Variants in CWF19L1 observed in about 807,000 individuals in gnomAD.
The protein encoded by CWF19L1 is CWF19 like cell cycle control factor 1, also known as CWF19-like protein 1.
CWF19L1 carries 60 observed loss-of-function variants against 69.7 expected under a neutral mutation model. That is an observed-to-expected ratio of 0.86 (90% CI 0.70 to 1.07). The LOEUF is 1.07. Ranked by LOEUF, CWF19L1 falls within the 50% of genes least tolerant of loss-of-function variation. The pLI is 0.00. For missense variants in CWF19L1, 591 were observed against 638.9 expected, an observed-to-expected ratio of 0.92 and a Z score of 0.81; for synonymous variants, 209 against 222.2, an observed-to-expected ratio of 0.94 and a Z score of 0.53.
chr10:100,256,018 T>TA (rs1043395366), intron 5 of CWF19L1, among the ~76,000 whole-genome samples: 1 of 151,910 alleles, frequency 6.6e-6, no homozygotes, highest in Non-Finnish European at 1.5e-5. Flanking sequence ...GCAGAGAATA[T>TA]AAAAAACCAT....
chr10:100,237,018 G>A, intron 11 of CWF19L1, 49 bp from the exon 12 acceptor site: 2 of 1,541,356 alleles, frequency 1.3e-6, no homozygotes, highest in South Asian at 1.3e-5. Flanking sequence ...TCCCAGAGAA[G>A]TTGTGCCTGC....
At chr10:100,261,494 GTC>G (rs1371030549) in intron 2 of CWF19L1, among the ~76,000 whole-genome samples, 2 of 152,204 alleles carry the variant, frequency 1.3e-5, no homozygotes, top group African/African-American at 4.8e-5. Context: ...CCTGCCTGTT[GTC>G]TTTACCCAAC....
At chr10:100,245,963 A>G (rs769663611) in intron 8 of CWF19L1, 50 bp from the exon 9 acceptor site, 48 of 1,343,460 alleles carry the variant, frequency 3.6e-5, no homozygotes, top group Non-Finnish European at 4.8e-5. Flanking sequence ...TAACCTTTAG[A>G]TAAGTAGCCG....
At chr10:100,233,736 T>G (rs1846347797) in intron 13 of CWF19L1, among the ~76,000 whole-genome samples, 1 of 152,228 alleles carries the variant, frequency 6.6e-6, no homozygotes, top group Non-Finnish European at 1.5e-5. Flanking sequence ...ATTTCATCTC[T>G]GAGTCTTGAT....
At chr10:100,267,365 C>T in intron 1 of CWF19L1, 1 of 951,686 alleles carries the variant, frequency 1.1e-6, no homozygotes. Flanking sequence ...CGAGCGTCGC[C>T]AAGAGAAACC....
rs1431707463 is a variant in CWF19L1, at chr10:100,253,431, GC to G, written c.612del (p.Arg204SerfsTer21). 1 of 1,591,662 alleles carries G rather than the reference GC, an allele frequency of 6.3e-7. No homozygotes were observed. Among genetic ancestry groups the G allele is most frequent in the Non-Finnish European group, 8.6e-7 (1 of 1,159,886 alleles). On this transcript the variant is annotated frameshift_variant, in exon 6 of 14. Transcript: ENST00000354105. LOFTEE classifies it high-confidence loss of function. ...TGAAATGCTACTCACCGATATGGAA[GC>G]CTCTCATAATAGGTCTTTTCCAAAG... ...FAALEKTYYE[R>X]LPYRNHIILQ... is the part of the protein sequence containing the mutation.
intron 7 of CWF19L1, chr10:100,248,606 G>A (rs759812039): frequency 3.0e-5 from 22 of 741,138 alleles, no homozygotes; most frequent in East Asian, 1.7e-4. Flanking sequence ...TATGATAAGC[G>A]TGTGCTGCTG....
chr10:100,261,916 A>C, intron 2 of CWF19L1, 63 bp downstream of exon 2: 2 of 1,448,546 alleles, frequency 1.4e-6, no homozygotes, highest in Non-Finnish European at 1.9e-6. Context: ...AAAGGAGTGC[A>C]AACTTTATTT....
intron 10 of CWF19L1, 55 bp from the exon 11 acceptor site, chr10:100,238,286 G>A (rs934222725): frequency 1.3e-6 from 2 of 1,543,930 alleles, no homozygotes; most frequent in Non-Finnish European, 1.8e-6. Context: ...GGATTCTCCA[G>A]GGAGAAAAAC....
chr10:100,261,466 G>T (rs1029163369), intron 2 of CWF19L1, among the ~76,000 whole-genome samples: 1 of 152,086 alleles, frequency 6.6e-6, no homozygotes, highest in African/African-American at 2.4e-5. Flanking sequence ...AGAAATACAA[G>T]GTATAAAAAA....
intron 1 of CWF19L1, among the ~76,000 whole-genome samples, chr10:100,266,660 C>T (rs1259775088): frequency 5.4e-5 from 8 of 148,028 alleles, no homozygotes; most frequent in African/African-American, 7.6e-5. Flanking sequence ...GGATTACAGG[C>T]ACGCGCCACC....
At chr10:100,258,709 T>G (rs1432452293) in intron 4 of CWF19L1, 1 of 152,078 alleles carries the variant, frequency 6.6e-6, no homozygotes, top group Non-Finnish European at 1.5e-5. Flanking sequence ...TTCCTTCAAT[T>G]TTTGCTTAAA....
Position 100,233,350 on chromosome 10 carries a change from G to A in CWF19L1, c.1494C>T (p.Ala498=). The A allele has an allele frequency of 6.2e-7, 1 of 1,613,340 alleles. No individual in the cohort carries two copies. The highest frequency in any genetic ancestry group is 8.5e-7 in the Non-Finnish European group (1 of 1,179,702). ...CAGACTTATCAGGAACATTAAGGAT[G>A]GCTTCACTGGCCAGGACCTCCCTGC... ...QFGREVLASE[A]ILNVPDKSDW... The change falls in exon 14 of 14, where the codon GCC becomes GCT. Residue 498 remains alanine, a synonymous_variant. Coordinates refer to ENST00000354105, the MANE Select transcript of CWF19L1 (RefSeq NM_018294.6).
intron 11 of CWF19L1, 39 bp from the exon 12 acceptor site, chr10:100,237,008 T>A (rs777053177): frequency 5.8e-6 from 9 of 1,543,360 alleles, no homozygotes; most frequent in South Asian, 1.3e-5. Context: ...CTTGTGCAGG[T>A]CCCAGAGAAG....
chr10:100,256,576 ATTT>A (rs888200129), intron 4 of CWF19L1, 100 bp from the exon 5 acceptor site: 1 of 883,608 alleles, frequency 1.1e-6, no homozygotes, highest in Non-Finnish European at 1.8e-6. Context: ...TGTCCCTGCC[ATTT>A]TACATGTCTG....
At chr10:100,251,757 T>C (rs534122897) in intron 6 of CWF19L1, among the ~76,000 whole-genome samples, 19 of 152,226 alleles carry the variant, frequency 1.2e-4, no homozygotes, top group African/African-American at 4.3e-4. Context: ...ATGATCTGCC[T>C]GCCTCGGCCT....
intron 10 of CWF19L1, among the ~76,000 whole-genome samples, chr10:100,240,124 C>CTCACCTTCTAA (rs1217740715): frequency 2.0e-5 from 3 of 152,180 alleles, no homozygotes; most frequent in African/African-American, 7.2e-5. Context: ...CTTTCAAACT[C>CTCACCTTCTAA]TCACCTTCTA....
rs199666617 is a variant in CWF19L1 at position 100,243,699 on chromosome 10, T to C, written c.1043A>G (p.His348Arg). The change falls in exon 10 of 14, where the codon CAT (histidine) becomes CGT (arginine). Residue 348 changes from histidine to arginine, a missense_variant and splice_region_variant. Coordinates refer to ENST00000354105, the MANE Select transcript of CWF19L1 (RefSeq NM_018294.6). ...EKHLVVNIGT[H>R]CYLALAKGGL... ...ATAAAGTCCAAGGAAGTAACTCACATGTGTGCCGATGTTGACCACCAAATG... is the reference window on the plus strand; with the variant it reads ...ATAAAGTCCAAGGAAGTAACTCACACGTGTGCCGATGTTGACCACCAAATG... 405 of 1,613,750 alleles carry C rather than the reference T, an allele frequency of 2.5e-4. No individual in the cohort carries two copies. Among genetic ancestry groups the C allele is most frequent in the Non-Finnish European group, 2.9e-4 (339 of 1,179,744 alleles).
At position 100,267,636 on chromosome 10, in the gene CWF19L1, A is replaced by AT. The variant is rs1472199527; in HGVS notation, c.-44_-43insA. ...GTTGCGACTGCCACCTAAAATTGGG[A>AT]ATGCGAATCCGCGCTCCCCGGAAAA... On this transcript the variant is annotated 5_prime_UTR_variant, in exon 1 of 14. Coordinates refer to ENST00000354105, the MANE Select transcript of CWF19L1 (RefSeq NM_018294.6). The AT allele has an allele frequency of 6.2e-7, 1 of 1,613,422 alleles. No homozygotes were observed. Among genetic ancestry groups the AT allele is most frequent in the Non-Finnish European group, 8.5e-7 (1 of 1,179,466 alleles).
Sources: allele counts gnomAD v4.1 joint callset (sites outside exome capture counted in the v4.1 genomes callset), GRCh38; gene constraint gnomAD v4.1.1; transcripts MANE v1.5; gene names NCBI Gene and HGNC (gene_info 2026-07-23, HGNC 2026-07-21).